PCDHGA1: variants seen among roughly 807,000 people sequenced by gnomAD.
The protein encoded by PCDHGA1 is protocadherin gamma-A1.
In PCDHGA1, 32 loss-of-function variants were observed where a neutral mutation model predicts 58.0. The observed-to-expected ratio is 0.55, with a 90% CI of 0.42 to 0.74. PCDHGA1 has a LOEUF of 0.74. Ranked by LOEUF, PCDHGA1 falls within the 30% of genes least tolerant of loss-of-function variation. PCDHGA1 has a pLI of 0.00. For synonymous variants in PCDHGA1, 498 were observed against 501.1 expected, an observed-to-expected ratio of 0.99 and a Z score of 0.08; for missense variants, 1,205 against 1,182.3, an observed-to-expected ratio of 1.02 and a Z score of -0.28.
At chr5:141,394,203 A>G (rs1380354099) in intron 1 of PCDHGA1, 1 of 1,613,814 alleles carries the variant, frequency 6.2e-7, no homozygotes, top group Non-Finnish European at 8.5e-7. Context: ...TATCCTAGAG[A>G]ACAACCTGAG....
Position 141,511,015 on chromosome 5 carries a change from C to A in PCDHGA1, c.2638C>A (p.Pro880Thr). Residue 880 changes from proline (P) to threonine (T), a missense_variant, in exon 4 of 4, where the codon CCC becomes ACC. Coordinates refer to ENST00000517417, the MANE Select transcript of PCDHGA1 (RefSeq NM_018912.3). ...GTMGLSARYG[P>T]QFTLQHVPDY... ...CATGGGATTGAGCGCCCGCTACGGA[C>A]CCCAGTTCACCCTGCAGCACGTGCC... 6.2e-7 allele frequency: 1 copy of A among 1,614,224 alleles called. No individual in the cohort carries two copies. The highest frequency in any genetic ancestry group is 8.5e-7 in the Non-Finnish European group (1 of 1,180,038).
intron 1 of PCDHGA1, chr5:141,371,894 G>C (rs1346040727): frequency 2.5e-6 from 4 of 1,613,426 alleles, no homozygotes; most frequent in Non-Finnish European, 3.4e-6. Flanking sequence ...AGCCGCGGGA[G>C]CTGTCGTCCT....
Position 141,491,067 on chromosome 5 carries a change from G to A in PCDHGA1, c.2422-3740G>A, listed in dbSNP as rs752758445. On this transcript the variant is annotated intron_variant, in intron 1 of 3. Coordinates refer to ENST00000517417, the MANE Select transcript of PCDHGA1 (RefSeq NM_018912.3). This position sits in a 1 kb window ranked among gnomAD's most constrained non-coding sequence, Gnocchi z 6.9. ...ACAATGCGTGGCTCTCCTACTCACT[G>A]TTGCCACAGTCCACAGCCCCAGGAC... is the stretch of plus-strand genomic sequence containing the variant. 6.2e-7 allele frequency: 1 copy of A among 1,614,200 alleles called. No individual in the cohort carries two copies. Among genetic ancestry groups the A allele is most frequent in the East Asian group, 2.2e-5 (1 of 44,892 alleles).
At chr5:141,355,605 A>G in intron 1 of PCDHGA1, 2 of 1,614,024 alleles carry the variant, frequency 1.2e-6, no homozygotes, top group Non-Finnish European at 1.7e-6. Context: ...GTTTTGGGAC[A>G]GAACAGAGGG....
chr5:141,350,755 G>C (rs1263428107), intron 1 of PCDHGA1: 2 of 1,613,806 alleles, frequency 1.2e-6, no homozygotes, highest in Non-Finnish European at 1.7e-6. Flanking sequence ...ATTCACTGAA[G>C]TTATACACCA....
At chr5:141,407,453 C>T (rs914537742) in intron 1 of PCDHGA1, among the ~76,000 whole-genome samples, 4 of 148,722 alleles carry the variant, frequency 2.7e-5, no homozygotes, top group Non-Finnish European at 6.0e-5. Flanking sequence ...ACACGAGGCT[C>T]ACCAGACAGA....
chr5:141,350,074 A>T (rs1177686169), intron 1 of PCDHGA1: 1 of 430,176 alleles, frequency 2.3e-6, no homozygotes, highest in Admixed American at 4.0e-5. Flanking sequence ...AGGCTTCTCA[A>T]TTCTGCAGGA....
At position 141,330,613 on chromosome 5, in the gene PCDHGA1, A is replaced by G; in HGVS notation, c.-72A>G. On this transcript the variant is annotated 5_prime_UTR_variant, in exon 1 of 4. Coordinates refer to ENST00000517417, the MANE Select transcript of PCDHGA1 (RefSeq NM_018912.3). Reference sequence around the variant, plus strand: ...TCAGAATTCTCCTGAAAATTGGGTTAATTTCAGCTCAGAAAAGCAGAAACG... The same window carrying G: ...TCAGAATTCTCCTGAAAATTGGGTTGATTTCAGCTCAGAAAAGCAGAAACG... 1 of 1,476,002 alleles carries G rather than the reference A, an allele frequency of 6.8e-7. No individual in the cohort carries two copies. Among genetic ancestry groups the G allele is most frequent in the East Asian group, 2.3e-5 (1 of 43,794 alleles). The allele number at this position is 1,476,002 out of a possible 1,614,324, so 91.4% of individuals were successfully genotyped here. A position where few individuals can be genotyped will look rare whatever the true frequency, so the allele number is the denominator to read the frequency against.
At chr5:141,404,167 G>A (rs2094493296) in intron 1 of PCDHGA1, 1 of 1,612,946 alleles carries the variant, frequency 6.2e-7, no homozygotes, top group South Asian at 1.1e-5. Flanking sequence ...ACAGATTGTT[G>A]ACGGCCCAAA....
At position 141,332,739 on chromosome 5, in the gene PCDHGA1, C is replaced by A. The variant is rs779310844; in HGVS notation, c.2055C>A (p.Asn685Lys). The change falls in exon 1 of 4, where the codon AAC becomes AAA. Residue 685 changes from asparagine to lysine, a missense_variant. Asn to Lys is a moderately conservative substitution (Grantham distance 94). Transcript: ENST00000517417. The surrounding 1 kb of genome is among the most constrained non-coding windows in gnomAD (Gnocchi z 4.6). The part of the protein sequence containing the change: ...LGSLEPSAKP[N>K]DSDLTLYLVV... ...GCCTCGAGCCCTCCGCCAAACCCAA[C>A]GATTCGGACCTCACTCTGTACCTGG... is the stretch of plus-strand genomic sequence containing the variant. The A allele has an allele frequency of 1.2e-6, 2 of 1,614,086 alleles. No homozygotes were observed. Among genetic ancestry groups the A allele is most frequent in the Non-Finnish European group, 1.7e-6 (2 of 1,179,978 alleles).
At chr5:141,405,309 A>T (rs1019536231) in intron 1 of PCDHGA1, 2 of 1,614,068 alleles carry the variant, frequency 1.2e-6, no homozygotes, top group Non-Finnish European at 1.7e-6. Context: ...CAGAGCTGTG[A>T]GAAAAATGAG....
chr5:141,405,185 G>C (rs777099869), intron 1 of PCDHGA1: 4 of 1,613,066 alleles, frequency 2.5e-6, no homozygotes, highest in Non-Finnish European at 3.4e-6. Context: ...GGGTGTAGAT[G>C]GGGTTCGAGC....
intron 1 of PCDHGA1, chr5:141,424,572 T>C (rs1272121500): frequency 6.6e-6 from 1 of 152,238 alleles, no homozygotes; most frequent in East Asian, 1.9e-4. Context: ...CAAAAACCTA[T>C]TTTCAAATGT....
At chr5:141,496,733 C>T (rs1221912777) in intron 2 of PCDHGA1, among the ~76,000 whole-genome samples, 12 of 152,138 alleles carry the variant, frequency 7.9e-5, no homozygotes, top group African/African-American at 9.7e-5. Context: ...TGTATTCATT[C>T]GTTCATTTAT....
In PCDHGA1 at chr5:141,344,373, T is replaced by C. The variant is rs201625446; in HGVS notation, c.2421+11268T>C. On this transcript the variant is annotated intron_variant, in intron 1 of 3. Coordinates refer to ENST00000517417, the MANE Select transcript of PCDHGA1 (RefSeq NM_018912.3). ...AATTAACATTCTGGTTGAGGATAAA[T>C]TGAAAATTTTTGAAGTAGAAATAGA... 171 of 1,613,170 alleles carry C rather than the reference T, an allele frequency of 1.1e-4. 1 individual carries two copies. The African/African-American group carries it at 1.5e-3, about 14-fold the overall frequency.
At chr5:141,337,364 G>A (rs1001432221) in intron 1 of PCDHGA1, among the ~76,000 whole-genome samples, 1 of 152,212 alleles carries the variant, frequency 6.6e-6, no homozygotes, top group Non-Finnish European at 1.5e-5. Flanking sequence ...AAAAGTGGAA[G>A]TAACCCAAGT....
chr5:141,355,141 G>GAAAA, intron 1 of PCDHGA1: 1 of 1,526,010 alleles, frequency 6.6e-7, no homozygotes, highest in East Asian at 2.3e-5. Flanking sequence ...AGATCCTGGG[G>GAAAA]CTCCTCAGGC....
rs755602367 is a variant in PCDHGA1, at chr5:141,415,231, G to A, written c.2422-79576G>A. ...GGACCTCGGCAGCTTCGAGTCTCCA[G>A]CTAACTCTGAAACCTCAGACCTCAC... On this transcript the variant is annotated intron_variant, in intron 1 of 3. Transcript: ENST00000517417. 2.1e-5 allele frequency: 34 copies of A among 1,614,042 alleles called. No homozygotes were observed. The South Asian group carries it at 3.2e-4, about 15-fold the overall frequency.
chr5:141,352,944 T>G (rs1408217217), intron 1 of PCDHGA1, among the ~76,000 whole-genome samples: 1 of 152,162 alleles, frequency 6.6e-6, no homozygotes, highest in African/African-American at 2.4e-5. Flanking sequence ...GCCAAGAGTG[T>G]GCCACTGCAC....
Sources: gnomAD v4.1 joint callset for allele counts (sites outside exome capture counted in the v4.1 genomes callset) on GRCh38, gnomAD v4.1.1 for gene constraint, Gnocchi (gnomAD v3.1) non-coding constraint, MANE v1.5 for transcripts, NCBI Gene and HGNC (gene_info 2026-07-23, HGNC 2026-07-21) for gene names.